GC: variants seen among roughly 807,000 people sequenced by gnomAD.
GC encodes GC vitamin D binding protein.
A neutral mutation model predicts 56.7 loss-of-function variants in GC; 43 were observed. The observed-to-expected ratio is 0.76, with a 90% confidence interval of 0.59 to 0.98. The LOEUF (loss-of-function observed/expected upper bound fraction) is 0.98, where lower values mean the gene tolerates loss of function less well. Ranked by LOEUF, GC falls within the 50% of genes least tolerant of loss-of-function variation. The probability of loss-of-function intolerance (pLI) is 0.00; values close to 1 mark genes in which losing one functional copy is unlikely to be tolerated. For missense variants in GC, 529 were observed against 545.9 expected, an observed-to-expected ratio of 0.97 and a Z score of 0.31; for synonymous variants, 216 against 202.7, an observed-to-expected ratio of 1.07 and a Z score of -0.56.
At chr4:71,781,243 G>A (rs970046190) in intron 1 of GC, among the ~76,000 whole-genome samples, 3 of 151,922 alleles carry the variant, frequency 2.0e-5, no homozygotes, top group African/African-American at 7.3e-5. Context: ...CATGGGGTGG[G>A]GAGCAGGGGG....
chr4:71,799,273 C>T (rs78085507), intron 1 of GC, among the ~76,000 whole-genome samples: 3,022 of 152,284 alleles, frequency 0.02, 103 homozygotes, highest in African/African-American at 0.069. Context: ...CCCTTCTTGC[C>T]TCCCAGCTCA....
chr4:71,756,219 G>C (rs1741764791), intron 8 of GC, among the ~76,000 whole-genome samples: 1 of 152,150 alleles, frequency 6.6e-6, no homozygotes, highest in Admixed American at 6.6e-5. Flanking sequence ...GAAGTAATAT[G>C]ATAAAACTAG....
At chr4:71,783,129 T>C (rs1027863610) in intron 1 of GC, among the ~76,000 whole-genome samples, 1 of 151,782 alleles carries the variant, frequency 6.6e-6, no homozygotes, top group African/African-American at 2.4e-5. Flanking sequence ...CTATTATGAA[T>C]AATAATGTAC....
intron 12 of GC, among the ~76,000 whole-genome samples, chr4:71,743,104 A>G (rs1026221206): frequency 2.0e-5 from 3 of 152,200 alleles, no homozygotes; most frequent in Non-Finnish European, 4.4e-5. Flanking sequence ...AACTGTCAAG[A>G]TGAGAACTGA....
chr4:71,781,150 C>G (rs1175164481), intron 1 of GC, among the ~76,000 whole-genome samples: 1 of 152,032 alleles, frequency 6.6e-6, no homozygotes, highest in African/African-American at 2.4e-5. Flanking sequence ...AAACCACACA[C>G]CACATGTTCT....
intron 1 of GC, among the ~76,000 whole-genome samples, chr4:71,797,624 C>G (rs1365425392): frequency 6.6e-6 from 1 of 152,216 alleles, no homozygotes; most frequent in Non-Finnish European, 1.5e-5. Context: ...CCTTGCACCT[C>G]CTGACTGAGG....
chr4:71,803,127 AG>A (rs1393894195), intron 1 of GC, among the ~76,000 whole-genome samples: 1 of 152,190 alleles, frequency 6.6e-6, no homozygotes, highest in Non-Finnish European at 1.5e-5. Context: ...GACTAGGATT[AG>A]GGAGAGTTAT....
intron 6 of GC, among the ~76,000 whole-genome samples, chr4:71,760,843 G>A (rs1190007892): frequency 6.6e-6 from 1 of 152,114 alleles, no homozygotes; most frequent in Non-Finnish European, 1.5e-5. Flanking sequence ...GATATGATTT[G>A]CTCCTCCTTG....
At chr4:71,764,527 C>T (rs779509548) in intron 4 of GC, among the ~76,000 whole-genome samples, 11 of 152,048 alleles carry the variant, frequency 7.2e-5, no homozygotes, top group Non-Finnish European at 1.3e-4. Context: ...ATGGTATCTG[C>T]TTGTTAATTA....
At chr4:71,743,681 C>T (rs3755967) in intron 12 of GC, among the ~76,000 whole-genome samples, 33,348 of 152,142 alleles carry the variant, frequency 0.22, 4,286 homozygotes, top group Non-Finnish European at 0.29. Context: ...TTCTGGATAT[C>T]AAGTACCTCA....
rs41265645 is a variant in GC at position 71,752,799 on chromosome 4, T to A, written c.1263-149A>T. The A allele has an allele frequency of 7.0e-5, 46 of 656,474 alleles. No individual in the cohort carries two copies. The African/African-American group carries it at 7.3e-4, about 10-fold the overall frequency. The allele number at this position is 656,474 out of a possible 1,614,324, so 40.7% of individuals were successfully genotyped here. ...TCAAGAAAATTCTATACCTGTGGTA[T>A]AGAATAGTCAATTTGAGATCAGAAA... is the stretch of plus-strand genomic sequence containing the variant. On this transcript the variant is annotated intron_variant, in intron 10 of 12. Coordinates refer to ENST00000273951, the MANE Select transcript of GC (RefSeq NM_000583.4).
intron 6 of GC, 147 bp downstream of exon 6, chr4:71,763,261 A>C: frequency 2.3e-6 from 1 of 430,522 alleles, no homozygotes; most frequent in Non-Finnish European, 4.1e-6. Context: ...AGAAAACGAG[A>C]ATTTGGCCAG....
intron 6 of GC, among the ~76,000 whole-genome samples, chr4:71,758,624 A>G (rs192992032): frequency 1.3e-5 from 2 of 152,136 alleles, no homozygotes; most frequent in East Asian, 3.9e-4. Context: ...TGGGTGTGTA[A>G]CCTTTCAGTA....
chr4:71,772,868 A>T (rs2149303340), intron 1 of GC, among the ~76,000 whole-genome samples: 1 of 152,230 alleles, frequency 6.6e-6, no homozygotes, highest in Admixed American at 6.6e-5. Flanking sequence ...ATAATTTTAT[A>T]AATTCATTTG....
At chr4:71,742,683 G>A (rs1741221061) in intron 12 of GC, among the ~76,000 whole-genome samples, 1 of 152,166 alleles carries the variant, frequency 6.6e-6, no homozygotes, top group Non-Finnish European at 1.5e-5. Context: ...ATAATTAAGA[G>A]ACAGAGATTT....
rs773949276 is a variant in GC at position 71,758,060 on chromosome 4, T to C, written c.813A>G (p.Glu271=). The stretch of plus-strand genomic sequence containing the variant: ...GTCTTACCTCTTTGGCCATGCAATC[T>C]TCAGAGGCAGACTCACAGCATTTGG... ...ILSKCCESAS[E]DCMAKELPEH... The change falls in exon 7 of 13, where the codon GAA becomes GAG. Residue 271 remains glutamate (E), a synonymous_variant. Coordinates refer to ENST00000273951, the MANE Select transcript of GC (RefSeq NM_000583.4). The C allele has an allele frequency of 1.9e-6, 3 of 1,613,524 alleles. No homozygotes were observed. Among genetic ancestry groups the C allele is most frequent in the Non-Finnish European group, 2.5e-6 (3 of 1,179,584 alleles).
At chr4:71,765,388 G>T in intron 4 of GC, 44 bp downstream of exon 4, 2 of 1,452,978 alleles carry the variant, frequency 1.4e-6, no homozygotes, top group South Asian at 1.1e-5. Context: ...AGTCATTTCT[G>T]ATACTTTAGG....
At chr4:71,796,349 C>A (rs1294413418) in intron 1 of GC, among the ~76,000 whole-genome samples, 2 of 152,134 alleles carry the variant, frequency 1.3e-5, no homozygotes, top group African/African-American at 4.8e-5. Context: ...TTCTTGGAGG[C>A]TTTGTTTGTT....
chr4:71,767,625 T>C (rs997906395), intron 3 of GC, among the ~76,000 whole-genome samples: 2 of 145,658 alleles, frequency 1.4e-5, no homozygotes, highest in South Asian at 4.3e-4. Flanking sequence ...ATATATATAT[T>C]AAATTATATA....
Sources: gnomAD v4.1 joint callset for allele counts (sites outside exome capture counted in the v4.1 genomes callset) on GRCh38, gnomAD v4.1.1 for gene constraint, MANE v1.5 for transcripts, NCBI Gene and HGNC (gene_info 2026-07-23, HGNC 2026-07-21) for gene names.